ATP10A: variants seen among roughly 807,000 people sequenced by gnomAD.
ATP10A encodes ATPase phospholipid transporting 10A (putative).
Under a neutral mutation model 147.8 loss-of-function variants are expected in ATP10A, and 111 were observed. The observed-to-expected ratio is 0.75, with a 90% CI of 0.64 to 0.88. The LOEUF is 0.88. ATP10A is among the 40% of genes least tolerant of loss of function. ATP10A has a pLI of 0.00. For synonymous variants in ATP10A, 875 were observed against 841.6 expected, an observed-to-expected ratio of 1.04 and a Z score of -0.69; for missense variants, 1,927 against 1,959.0, an observed-to-expected ratio of 0.98 and a Z score of 0.31.
At chr15:25,808,338 CAT>C (rs1891286986) in intron 1 of ATP10A, among the ~76,000 whole-genome samples, 1 of 152,196 alleles carries the variant, frequency 6.6e-6, no homozygotes, top group Non-Finnish European at 1.5e-5. Flanking sequence ...CAACAGCTCT[CAT>C]AGAAACATGC....
intron 1 of ATP10A, among the ~76,000 whole-genome samples, chr15:25,790,018 T>C (rs1393824722): frequency 1.3e-5 from 2 of 152,174 alleles, no homozygotes. Flanking sequence ...ACCAATGTAT[T>C]TTTAAAATCA....
chr15:25,768,234 G>A lies in ATP10A; in HGVS notation c.654+12785C>T, dbSNP rs546384504. On this transcript the variant is annotated intron_variant, in intron 2 of 20. Coordinates refer to ENST00000555815, the MANE Select transcript of ATP10A (RefSeq NM_024490.4). ...AGGGTCAGTGGCTTGGGCCTCCAGAGCTGTGGGCTGGTGAGCGGCAGGGGC... is the reference window on the plus strand; with the variant it reads ...AGGGTCAGTGGCTTGGGCCTCCAGAACTGTGGGCTGGTGAGCGGCAGGGGC... 4.6e-5 allele frequency among the ~76,000 whole-genome samples: 7 copies of A among 152,354 alleles called. No individual in the cohort carries two copies. In the South Asian group the frequency reaches 1.2e-3, roughly 27 times the overall value.
intron 2 of ATP10A, among the ~76,000 whole-genome samples, chr15:25,768,199 C>T (rs373609954): frequency 1.3e-5 from 2 of 152,146 alleles, no homozygotes; most frequent in African/African-American, 2.4e-5. Flanking sequence ...CGAGCAGCTG[C>T]GATGGAGGGA....
intron 1 of ATP10A, among the ~76,000 whole-genome samples, chr15:25,786,617 C>CTTTTTTTT (rs35892408): frequency 1.2e-4 from 8 of 68,902 alleles, no homozygotes; most frequent in African/African-American, 2.5e-4. Flanking sequence ...TCATTATCAT[C>CTTTTTTTT]TTTTTTTTTT....
chr15:25,818,488 G>A (rs1459234709), intron 1 of ATP10A, among the ~76,000 whole-genome samples: 1 of 151,974 alleles, frequency 6.6e-6, no homozygotes, highest in Admixed American at 6.6e-5. Context: ...TTCCATGTTC[G>A]TGGACCAGAA....
At position 25,679,441 on chromosome 15, in the gene ATP10A, G is replaced by T; in HGVS notation, c.4400C>A (p.Ala1467Glu). ...GGGCTGGACAGGAAGTCCACGTCCC[G>T]CTTGTCCATCTGCAAGCTGCTCCGT... Reference protein sequence around the residue: ...SRTEQLADGQAGRGLPVQPHS... With the variant: ...SRTEQLADGQEGRGLPVQPHS... The change falls in exon 21 of 21, where the codon GCG (alanine) becomes GAG (glutamate). Residue 1467 changes from alanine (A) to glutamate (E), a missense_variant. Ala to Glu is a moderately radical substitution (Grantham distance 107). Transcript: ENST00000555815. 1 of 1,613,988 alleles carries T rather than the reference G, an allele frequency of 6.2e-7. No individual in the cohort carries two copies. The highest frequency in any genetic ancestry group is 1.1e-5 in the South Asian group (1 of 91,080).
intron 1 of ATP10A, among the ~76,000 whole-genome samples, chr15:25,843,330 A>G (rs1207739271): frequency 6.6e-6 from 1 of 151,364 alleles, no homozygotes; most frequent in African/African-American, 2.4e-5. Flanking sequence ...AGCTCCACAT[A>G]TGTCAAAGTT....
chr15:25,819,813 C>T (rs1452977965), intron 1 of ATP10A, among the ~76,000 whole-genome samples: 4 of 151,992 alleles, frequency 2.6e-5, no homozygotes, highest in Non-Finnish European at 5.9e-5. Flanking sequence ...TTAAGTGAAA[C>T]AACTAAGAAA....
intron 1 of ATP10A, among the ~76,000 whole-genome samples, chr15:25,818,145 TA>T (rs1449675029): frequency 6.6e-6 from 1 of 152,192 alleles, no homozygotes; most frequent in Admixed American, 6.5e-5. Flanking sequence ...ACTAATATAT[TA>T]AAAAAACCTA....
chr15:25,805,456 G>A (rs992892561), intron 1 of ATP10A, among the ~76,000 whole-genome samples: 3 of 152,268 alleles, frequency 2.0e-5, no homozygotes, highest in South Asian at 4.1e-4. Flanking sequence ...CTTTACACGC[G>A]TCCTTATTTT....
At chr15:25,764,672 A>C (rs1888932182) in intron 2 of ATP10A, among the ~76,000 whole-genome samples, 1 of 152,184 alleles carries the variant, frequency 6.6e-6, no homozygotes, top group Admixed American at 6.5e-5. Flanking sequence ...TTTATACGTG[A>C]CCCAGTCTGT....
intron 1 of ATP10A, among the ~76,000 whole-genome samples, chr15:25,796,569 A>G (rs1228185398): frequency 1.3e-5 from 2 of 152,230 alleles, no homozygotes; most frequent in Non-Finnish European, 2.9e-5. Context: ...CGTGGTACTC[A>G]TGAGTCATCG....
chr15:25,847,782 C>G (rs989015221), intron 1 of ATP10A, among the ~76,000 whole-genome samples: 1 of 151,686 alleles, frequency 6.6e-6, no homozygotes, highest in African/African-American at 2.4e-5. Flanking sequence ...AGGCATGCAC[C>G]ACCATGCCCA....
At chr15:25,796,813 T>G (rs1380595772) in intron 1 of ATP10A, among the ~76,000 whole-genome samples, 1 of 152,230 alleles carries the variant, frequency 6.6e-6, no homozygotes, top group African/African-American at 2.4e-5. Context: ...GAGCTGGCCT[T>G]GTAGAGGCCT....
At chr15:25,761,685 G>A (rs897993739) in intron 2 of ATP10A, among the ~76,000 whole-genome samples, 14 of 152,208 alleles carry the variant, frequency 9.2e-5, no homozygotes, top group African/African-American at 2.7e-4. Flanking sequence ...GACTTGCATG[G>A]GGCCTGTAGC....
intron 13 of ATP10A, among the ~76,000 whole-genome samples, chr15:25,700,624 C>T (rs1265896384): frequency 6.6e-6 from 1 of 152,048 alleles, no homozygotes; most frequent in Non-Finnish European, 1.5e-5. Flanking sequence ...CTGGAAAAGA[C>T]AAAACTGTAG....
intron 6 of ATP10A, 32 bp from the exon 7 acceptor site, chr15:25,721,941 C>T (rs745862996): frequency 6.3e-7 from 1 of 1,594,070 alleles, no homozygotes; most frequent in Non-Finnish European, 8.6e-7. Context: ...GGATGAATGA[C>T]CGTGAGGACC....
At chr15:25,821,409 AAC>A (rs1029719730) in intron 1 of ATP10A, among the ~76,000 whole-genome samples, 8 of 67,354 alleles carry the variant, frequency 1.2e-4, no homozygotes, top group African/African-American at 6.7e-4. Flanking sequence ...CAAAAAAAAA[AAC>A]AAACAAAAAA....
At chr15:25,777,092 CGTGCGTGT>C (rs1889647930) in intron 2 of ATP10A, among the ~76,000 whole-genome samples, 1 of 92,062 alleles carries the variant, frequency 1.1e-5, no homozygotes, top group Non-Finnish European at 2.5e-5. Context: ...TGTGTGCATA[CGTGCGTGT>C]GTGTGTGTGT....
Sources: allele counts gnomAD v4.1 joint callset (sites outside exome capture counted in the v4.1 genomes callset), GRCh38; gene constraint gnomAD v4.1.1; transcripts MANE v1.5; gene names NCBI Gene and HGNC (gene_info 2026-07-23, HGNC 2026-07-21).